The following LANCL3 variants were observed in gnomAD, a reference collection of about 807,000 sequenced individuals.
The protein encoded by LANCL3 is lanC-like protein 3.
LANCL3 carries 19 observed loss-of-function variants against 26.5 expected under a neutral mutation model. That is an observed-to-expected ratio of 0.72 (90% CI 0.50 to 1.05). LANCL3 has a LOEUF of 1.05. Among genes scored for constraint, LANCL3 ranks in the 50% least tolerant of loss-of-function variants. The pLI is 0.00. For synonymous variants in LANCL3, 160 were observed against 166.6 expected, an observed-to-expected ratio of 0.96 and a Z score of 0.30; for missense variants, 318 against 362.7, an observed-to-expected ratio of 0.88 and a Z score of 1.00.
At chrX:37,585,235 A>G (rs1289133693) in intron 1 of LANCL3, among the ~76,000 whole-genome samples, 4 of 111,665 alleles carry the variant, frequency 3.6e-5, no homozygotes, top group African/African-American at 1.3e-4. Context: ...CAATTTTGGC[A>G]TAGGTGTGGT....
chrX:37,601,991 T>A (rs1216839110), intron 1 of LANCL3, among the ~76,000 whole-genome samples: 3 of 111,173 alleles, frequency 2.7e-5, no homozygotes, highest in Non-Finnish European at 5.7e-5. Context: ...AGAAGTAAAA[T>A]TTCCCCGCCT....
chrX:37,672,745 G>T (rs1471067145), intron 4 of LANCL3, among the ~76,000 whole-genome samples: 1 of 111,654 alleles, frequency 9.0e-6, no homozygotes, highest in African/African-American at 3.3e-5. Flanking sequence ...CTGGTTTGGA[G>T]AAAGGTCCTG....
chrX:37,669,177 A>T (rs782142420), intron 4 of LANCL3, among the ~76,000 whole-genome samples: 1 of 111,626 alleles, frequency 9.0e-6, no homozygotes, highest in African/African-American at 3.3e-5. Flanking sequence ...AGTTCTATAC[A>T]TACTGTTTGT....
At chrX:37,585,444 G>C (rs1184520069) in intron 1 of LANCL3, among the ~76,000 whole-genome samples, 1 of 111,482 alleles carries the variant, frequency 9.0e-6, no homozygotes, top group African/African-American at 3.3e-5. Flanking sequence ...TGTCTTTCTA[G>C]GTCTCTAAGG....
intron 3 of LANCL3, among the ~76,000 whole-genome samples, chrX:37,663,788 A>G (rs1411483762): frequency 5.4e-5 from 6 of 111,171 alleles, no homozygotes; most frequent in African/African-American, 2.0e-4. Context: ...ATTGGCTGTA[A>G]TACCCTCCTT....
At chrX:37,626,817 A>G (rs1925327436) in intron 1 of LANCL3, among the ~76,000 whole-genome samples, 1 of 112,075 alleles carries the variant, frequency 8.9e-6, no homozygotes, top group African/African-American at 3.2e-5. Context: ...TCTTTTTAAA[A>G]CAGAGCTTTA....
At chrX:37,661,912 G>A (rs1346013838) in intron 3 of LANCL3, among the ~76,000 whole-genome samples, 3 of 112,114 alleles carry the variant, frequency 2.7e-5, no homozygotes, top group Non-Finnish European at 5.6e-5. Context: ...CATTTATGCA[G>A]TGTAGAAATA....
chrX:37,595,179 C>T (rs1183073118), intron 1 of LANCL3, among the ~76,000 whole-genome samples: 2 of 111,791 alleles, frequency 1.8e-5, no homozygotes, highest in African/African-American at 6.5e-5. Flanking sequence ...TCTTAATTGC[C>T]ACTGCCTTTT....
rs1184288783 is a variant in LANCL3, at chrX:37,593,756, C to G, written c.573+21313C>G. Among the ~76,000 whole-genome samples, 4 of 112,123 alleles carry G rather than the reference C, an allele frequency of 3.6e-5. 1 individual carries two copies. The highest frequency in any genetic ancestry group is 5.5e-4 in the East Asian group (2 of 3,609). ...TTTGTTTTGTTCTTCACATTTACCC[C>G]CTTCCTGCTCAATGATTAAACAGCG... On this transcript the variant is annotated intron_variant, in intron 1 of 4. Transcript: ENST00000378619.
At chrX:37,649,507 A>G (rs1336544407) in intron 1 of LANCL3, among the ~76,000 whole-genome samples, 1 of 111,634 alleles carries the variant, frequency 9.0e-6, no homozygotes, top group African/African-American at 3.3e-5. Flanking sequence ...AGGTACAGCA[A>G]ACCACCATGA....
At chrX:37,641,067 A>G (rs1925849553) in intron 1 of LANCL3, among the ~76,000 whole-genome samples, 1 of 111,457 alleles carries the variant, frequency 9.0e-6, no homozygotes. Context: ...TCTGAATTTT[A>G]TATTCTAGCT....
chrX:37,623,010 G>T (rs1346222866), intron 1 of LANCL3, among the ~76,000 whole-genome samples: 1 of 111,863 alleles, frequency 8.9e-6, no homozygotes, highest in Non-Finnish European at 1.9e-5. Flanking sequence ...TGTACAATTG[G>T]CACCTTTTCA....
intron 1 of LANCL3, among the ~76,000 whole-genome samples, chrX:37,610,551 T>C (rs1385222880): frequency 1.8e-5 from 2 of 111,494 alleles, no homozygotes; most frequent in African/African-American, 6.5e-5. Context: ...ATCTTGCTCC[T>C]TTTTCTCCCT....
At chrX:37,613,056 A>G (rs1465727320) in intron 1 of LANCL3, among the ~76,000 whole-genome samples, 1 of 111,088 alleles carries the variant, frequency 9.0e-6, no homozygotes, top group Non-Finnish European at 1.9e-5. Context: ...TCTGGAAACC[A>G]GATACCCTGA....
At chrX:37,613,136 T>C (rs149987427) in intron 1 of LANCL3, among the ~76,000 whole-genome samples, 1,847 of 110,183 alleles carry the variant, frequency 0.017, 13 homozygotes, top group Middle Eastern at 0.051. Context: ...ATGCCCCAAC[T>C]CCACACACAA....
chrX:37,647,473 A>G (rs782220813), intron 1 of LANCL3, among the ~76,000 whole-genome samples: 11 of 112,695 alleles, frequency 9.8e-5, no homozygotes, highest in African/African-American at 2.9e-4. Flanking sequence ...TTTATTGGGT[A>G]GTCAGATGGC....
rs138406071 is a variant in LANCL3, at chrX:37,644,969, A to G, written c.574-10719A>G. The stretch of plus-strand genomic sequence containing the variant: ...GTCAAACGTTGGGAACTGCTTTTTC[A>G]TAAGAGTCTCATTATTACCTGAGGA... On this transcript the variant is annotated intron_variant, in intron 1 of 4. Transcript: ENST00000378619. 1.4e-3 allele frequency among the ~76,000 whole-genome samples: 153 copies of G among 112,185 alleles called. 1 individual carries two copies. Among genetic ancestry groups the G allele is most frequent in the African/African-American group, 4.8e-3 (147 of 30,945 alleles).
chrX:37,586,676 G>A lies in LANCL3; in HGVS notation c.573+14233G>A, dbSNP rs561653674. 6.3e-5 allele frequency among the ~76,000 whole-genome samples: 7 copies of A among 111,768 alleles called. No individual in the cohort carries two copies. The Admixed American group carries it at 6.6e-4, about 11-fold the overall frequency. ...GTCATTTAAGGACCTCTCTACACTA[G>A]TTGTTCTAGTTAGCCATTCATCTAA... On this transcript the variant is annotated intron_variant, in intron 1 of 4. Transcript: ENST00000378619.
intron 1 of LANCL3, among the ~76,000 whole-genome samples, chrX:37,616,168 A>C (rs1350287844): frequency 9.0e-6 from 1 of 111,313 alleles, no homozygotes; most frequent in Non-Finnish European, 1.9e-5. Context: ...TTCAACCATT[A>C]ATGTTCCAGG....
Sources: allele counts gnomAD v4.1 joint callset (sites outside exome capture counted in the v4.1 genomes callset), GRCh38; gene constraint gnomAD v4.1.1; transcripts MANE v1.5; gene names NCBI Gene and HGNC (gene_info 2026-07-23, HGNC 2026-07-21).